PIK3R4: variants seen among roughly 807,000 people sequenced by gnomAD.
PIK3R4 encodes the protein phosphoinositide-3-kinase regulatory subunit 4.
PIK3R4 carries 46 observed loss-of-function variants against 136.5 expected under a neutral mutation model. The ratio of observed to expected loss-of-function variants is 0.34; its 90% CI spans 0.27 to 0.43. PIK3R4 has a LOEUF of 0.43. Ranked by LOEUF, PIK3R4 falls within the 20% of genes least tolerant of loss-of-function variation. The probability of loss-of-function intolerance (pLI) is 1.00; values close to 1 mark genes in which losing one functional copy is unlikely to be tolerated. For missense variants in PIK3R4, 1,331 were observed against 1,649.5 expected (o/e 0.81, Z 3.35); for synonymous variants, 557 against 566.7 (o/e 0.98, Z 0.24).
chr3:130,682,481 A>T (rs967766352), intron 16 of PIK3R4, among the ~76,000 whole-genome samples: 1 of 152,140 alleles, frequency 6.6e-6, no homozygotes, highest in African/African-American at 2.4e-5. Flanking sequence ...TTAAAAAAAT[A>T]AGTTGTGATG....
chr3:130,681,420 G>A lies in PIK3R4; in HGVS notation c.3708+71C>T, dbSNP rs2066457478. 26 of 1,022,432 alleles carry A rather than the reference G, an allele frequency of 2.5e-5. No individual in the cohort carries two copies. The South Asian group carries it at 3.3e-4, about 13-fold the overall frequency. 63.3% of individuals were successfully genotyped at this position (1,022,432 alleles called of 1,614,324 possible). A position where few individuals can be genotyped will look rare whatever the true frequency, so the allele number is the denominator to read the frequency against. ...CAAAAGCCCAACAGATACTAGGTTT[G>A]ATTAAATGCCTGAAAGTACTTAGGA... On this transcript the variant is annotated intron_variant, in intron 17 of 19. Transcript: ENST00000356763.
chr3:130,707,506 G>T (rs1385867721), intron 10 of PIK3R4, among the ~76,000 whole-genome samples: 3 of 151,916 alleles, frequency 2.0e-5, no homozygotes, highest in Non-Finnish European at 4.4e-5. Flanking sequence ...TATTCTATCA[G>T]TTGTCTGTTC....
intron 17 of PIK3R4, 40 bp from the exon 18 acceptor site, chr3:130,681,105 G>T: frequency 1.9e-6 from 2 of 1,071,770 alleles, no homozygotes; most frequent in African/African-American, 3.1e-5. Context: ...AAAGACATCC[G>T]TGTATTCCAT....
chr3:130,716,804 C>T (rs1441119581), intron 8 of PIK3R4, among the ~76,000 whole-genome samples: 1 of 144,046 alleles, frequency 6.9e-6, no homozygotes, highest in African/African-American at 2.5e-5. Flanking sequence ...TAGCGCTAGA[C>T]CACACGTGTG....
At chr3:130,685,515 T>C (rs10934952) in intron 15 of PIK3R4, among the ~76,000 whole-genome samples, 31,432 of 152,158 alleles carry the variant, frequency 0.21, 3,519 homozygotes, top group South Asian at 0.36. Context: ...AGGTTGACTC[T>C]GAAAAGCCAA....
At chr3:130,692,743 A>G (rs2066526028) in intron 13 of PIK3R4, among the ~76,000 whole-genome samples, 1 of 152,220 alleles carries the variant, frequency 6.6e-6, no homozygotes, top group Admixed American at 6.5e-5. Flanking sequence ...AGTACTGTAA[A>G]TGAGTAAAGA....
chr3:130,709,093 T>G (rs1290994403), intron 9 of PIK3R4, among the ~76,000 whole-genome samples: 2 of 152,154 alleles, frequency 1.3e-5, no homozygotes, highest in Admixed American at 1.3e-4. Context: ...ATTCCAGCCC[T>G]AATTACTACT....
At chr3:130,708,588 T>C in intron 9 of PIK3R4, 96 bp from the exon 10 acceptor site, 1 of 1,074,996 alleles carries the variant, frequency 9.3e-7, no homozygotes, top group South Asian at 1.6e-5. Context: ...AATCACCCAA[T>C]TTAAAACTGA....
At position 130,744,612 on chromosome 3, in the gene PIK3R4, C is replaced by A. The variant is rs1467818021; in HGVS notation, c.607G>T (p.Val203Phe). The change falls in exon 2 of 20, where the codon GTT (valine) becomes TTT (phenylalanine). Residue 203 changes from valine to phenylalanine, a missense_variant. Coordinates refer to ENST00000356763, the MANE Select transcript of PIK3R4 (RefSeq NM_014602.3). ...RTCYIAPERF[V>F]DGGMFATELE... The stretch of plus-strand genomic sequence containing the variant: ...TCAGTGGCAAACATCCCACCATCAA[C>A]AAAACGTTCAGGAGCAATATAGCAA... 1 of 1,614,240 alleles carries A rather than the reference C, an allele frequency of 6.2e-7. No individual in the cohort carries two copies.
chr3:130,743,025 G>A (rs558240933), intron 2 of PIK3R4, among the ~76,000 whole-genome samples: 2 of 152,272 alleles, frequency 1.3e-5, no homozygotes, highest in East Asian at 3.9e-4. Context: ...AATCACTTCT[G>A]TACAACCTTT....
intron 2 of PIK3R4, among the ~76,000 whole-genome samples, 178 bp from the exon 3 acceptor site, chr3:130,736,180 G>C (rs924650100): frequency 1.3e-5 from 2 of 152,084 alleles, no homozygotes; most frequent in African/African-American, 2.4e-5. Context: ...TCTATTACCC[G>C]AACACTGGTT....
At chr3:130,695,796 T>A (rs1368531374) in intron 13 of PIK3R4, among the ~76,000 whole-genome samples, 2 of 152,174 alleles carry the variant, frequency 1.3e-5, no homozygotes, top group African/African-American at 4.8e-5. Context: ...TACATAAGGT[T>A]TGGTACTATC....
At chr3:130,737,794 C>T (rs192780445) in intron 2 of PIK3R4, among the ~76,000 whole-genome samples, 1 of 152,282 alleles carries the variant, frequency 6.6e-6, no homozygotes, top group African/African-American at 2.4e-5. Flanking sequence ...TAACTCAAAG[C>T]CTATTTCACA....
intron 9 of PIK3R4, among the ~76,000 whole-genome samples, chr3:130,714,508 G>A (rs1227460552): frequency 1.3e-5 from 2 of 152,122 alleles, no homozygotes; most frequent in Non-Finnish European, 2.9e-5. Context: ...AGCAAAACAG[G>A]ATACATGTGC....
At chr3:130,713,119 C>G (rs1020084253) in intron 9 of PIK3R4, among the ~76,000 whole-genome samples, 2 of 152,214 alleles carry the variant, frequency 1.3e-5, no homozygotes, top group South Asian at 2.1e-4. Context: ...AAATCACAAA[C>G]TGCTCTGGTA....
chr3:130,681,054 A>G lies in PIK3R4; in HGVS notation c.3720T>C (p.His1240=), dbSNP rs1216024425. ...GACTACAGTAGATACCATGGACGCT[A>G]TGAGGAGAAGGCTTAAAAGAAATAG... ...PPLSELQPSP[H]SVHGIYCSPA... Residue 1240 remains histidine (H), a synonymous_variant, in exon 18 of 20, where the codon CAT becomes CAC. Transcript: ENST00000356763. The G allele has an allele frequency of 6.4e-7, 1 of 1,573,864 alleles. No homozygotes were observed. The highest frequency in any genetic ancestry group is 8.7e-7 in the Non-Finnish European group (1 of 1,143,356).
At chr3:130,695,223 C>T (rs1479993982) in intron 13 of PIK3R4, among the ~76,000 whole-genome samples, 2 of 152,054 alleles carry the variant, frequency 1.3e-5, no homozygotes, top group Non-Finnish European at 2.9e-5. Flanking sequence ...TATTGGTCTA[C>T]AGCTTTCTTG....
intron 2 of PIK3R4, among the ~76,000 whole-genome samples, chr3:130,743,103 G>A (rs991862171): frequency 2.2e-4 from 33 of 152,052 alleles, no homozygotes; most frequent in African/African-American, 7.2e-4. Flanking sequence ...AGATTTCTAT[G>A]CCCAAAAATT....
At chr3:130,727,512 G>A (rs1467363721) in intron 6 of PIK3R4, among the ~76,000 whole-genome samples, 2 of 144,630 alleles carry the variant, frequency 1.4e-5, no homozygotes, top group Non-Finnish European at 3.0e-5. Context: ...CGTGAGCCAC[G>A]GCGCCCGGCC....
Sources: allele counts gnomAD v4.1 joint callset (sites outside exome capture counted in the v4.1 genomes callset), GRCh38; gene constraint gnomAD v4.1.1; transcripts MANE v1.5; gene names NCBI Gene and HGNC (gene_info 2026-07-23, HGNC 2026-07-21).